Variants in ADAM9 observed in about 807,000 individuals in gnomAD.
ADAM9 encodes the protein ADAM metallopeptidase domain 9, also known as disintegrin and metalloproteinase domain-containing protein 9.
In ADAM9, 54 loss-of-function variants were observed where a neutral mutation model predicts 108.1. The observed-to-expected ratio is 0.50, with a 90% CI of 0.40 to 0.63. The LOEUF is 0.63. Ranked by LOEUF, ADAM9 falls within the 20% of genes least tolerant of loss-of-function variation. The pLI is 0.00. For missense variants in ADAM9, 830 were observed against 997.7 expected (o/e 0.83, Z 2.26); for synonymous variants, 316 against 336.0 (o/e 0.94, Z 0.65).
chr8:39,036,367 A>T (rs535023014), intron 11 of ADAM9, among the ~76,000 whole-genome samples: 1 of 110,122 alleles, frequency 9.1e-6, no homozygotes, highest in Admixed American at 1.0e-4. Context: ...ATCTTCTCTT[A>T]AGACTTCCTA....
chr8:39,066,407 G>A (rs1838475109), intron 14 of ADAM9, among the ~76,000 whole-genome samples: 1 of 152,180 alleles, frequency 6.6e-6, no homozygotes, highest in Admixed American at 6.5e-5. Flanking sequence ...ATCCTCTCCA[G>A]CACCTGTTGT....
chr8:39,047,226 C>T (rs1429258817), intron 12 of ADAM9, among the ~76,000 whole-genome samples: 2 of 152,174 alleles, frequency 1.3e-5, no homozygotes, highest in Admixed American at 1.3e-4. Flanking sequence ...GATTTTGCAT[C>T]TGTATTTGTT....
chr8:39,068,311 G>GT (rs1029332988), intron 14 of ADAM9, among the ~76,000 whole-genome samples: 13 of 151,872 alleles, frequency 8.6e-5, no homozygotes, highest in African/African-American at 2.7e-4. Context: ...ACATCTTTAG[G>GT]TTTTTTTCCT....
intron 12 of ADAM9, among the ~76,000 whole-genome samples, chr8:39,043,546 A>G (rs1252956163): frequency 1.3e-5 from 2 of 152,102 alleles, no homozygotes; most frequent in East Asian, 1.9e-4. Flanking sequence ...GCATCTTTTC[A>G]TATACCTGTT....
chr8:39,101,953 T>C, intron 21 of ADAM9, 23 bp downstream of exon 21: 1 of 1,595,964 alleles, frequency 6.3e-7, no homozygotes, highest in Non-Finnish European at 8.6e-7. Flanking sequence ...TTTGCTTAGA[T>C]TTTTTGGCCA....
At chr8:39,023,703 G>GTATTTCCTA (rs965809395) in intron 9 of ADAM9, among the ~76,000 whole-genome samples, 3 of 144,398 alleles carry the variant, frequency 2.1e-5, no homozygotes, top group Non-Finnish European at 4.5e-5. Flanking sequence ...AAGTAACTCA[G>GTATTTCCTA]TATTTCCTAG....
chr8:39,027,247 A>C (rs1836951886), intron 11 of ADAM9, among the ~76,000 whole-genome samples: 1 of 152,256 alleles, frequency 6.6e-6, no homozygotes, highest in African/African-American at 2.4e-5. Context: ...GTTTCTTCAC[A>C]AACCTCTTTT....
chr8:39,026,245 C>T (rs1203201757), intron 10 of ADAM9, among the ~76,000 whole-genome samples: 1 of 152,142 alleles, frequency 6.6e-6, no homozygotes, highest in Admixed American at 6.5e-5. Flanking sequence ...CTAATGCTCT[C>T]CCTCCCCTTG....
intron 11 of ADAM9, among the ~76,000 whole-genome samples, chr8:39,034,394 C>A (rs1165327223): frequency 6.6e-6 from 1 of 152,150 alleles, no homozygotes; most frequent in African/African-American, 2.4e-5. Context: ...ACTTTCTTGA[C>A]TCATATAGCT....
intron 16 of ADAM9, among the ~76,000 whole-genome samples, chr8:39,078,517 C>T (rs1296484508): frequency 2.0e-5 from 3 of 152,184 alleles, no homozygotes; most frequent in Non-Finnish European, 4.4e-5. Flanking sequence ...CACGGTGGCT[C>T]ATGCCTGTAA....
chr8:39,101,398 T>C (rs1173606884), intron 20 of ADAM9, among the ~76,000 whole-genome samples: 2 of 152,170 alleles, frequency 1.3e-5, no homozygotes, highest in Admixed American at 6.5e-5. Context: ...AGTACTTATA[T>C]GTGAATAAAT....
intron 20 of ADAM9, among the ~76,000 whole-genome samples, chr8:39,095,383 C>G (rs1319713770): frequency 6.6e-6 from 1 of 152,148 alleles, no homozygotes; most frequent in African/African-American, 2.4e-5. Flanking sequence ...TTCTTTTTAT[C>G]TGTCATTGAC....
At chr8:39,011,542 GCCAATA>G in intron 2 of ADAM9, 110 bp from the exon 3 acceptor site, 1 of 905,856 alleles carries the variant, frequency 1.1e-6, no homozygotes, top group South Asian at 1.4e-5. Flanking sequence ...AAATAGTTCA[GCCAATA>G]CCAAATTATT....
intron 20 of ADAM9, among the ~76,000 whole-genome samples, chr8:39,100,492 CAAA>C (rs1186138731): frequency 3.9e-5 from 4 of 103,132 alleles, no homozygotes; most frequent in African/African-American, 7.2e-5. Context: ...GACTCCGTCT[CAAA>C]AAAAAAAAAA....
chr8:39,058,095 C>A (rs1338370197), intron 14 of ADAM9, among the ~76,000 whole-genome samples: 3 of 152,070 alleles, frequency 2.0e-5, no homozygotes, highest in Non-Finnish European at 4.4e-5. Flanking sequence ...GATGTTTATT[C>A]TTCTTCTTGA....
intron 11 of ADAM9, among the ~76,000 whole-genome samples, chr8:39,041,084 G>A (rs1344831969): frequency 6.6e-6 from 1 of 151,974 alleles, no homozygotes; most frequent in African/African-American, 2.4e-5. Context: ...GTCTACAAAA[G>A]CAAAAATAAA....
chr8:39,052,617 G>A (rs1333451900), intron 12 of ADAM9, among the ~76,000 whole-genome samples: 1 of 151,940 alleles, frequency 6.6e-6, no homozygotes. Flanking sequence ...TTTTAATTGA[G>A]GAGGGGGCAT....
rs939851266 is a variant in ADAM9, at chr8:38,997,236, C to A, written c.97+76C>A. The A allele has an allele frequency of 5.7e-5, 85 of 1,490,922 alleles. No homozygotes were observed. In the Middle Eastern group the frequency reaches 8.7e-4, roughly 15 times the overall value. The allele number at this position is 1,490,922 out of a possible 1,614,324, so 92.4% of individuals were successfully genotyped here. A position where few individuals can be genotyped will look rare whatever the true frequency, so the allele number is the denominator to read the frequency against. The stretch of plus-strand genomic sequence containing the variant: ...GGCGCTCGGAGTGAACCTGTGGTGC[C>A]TGGGAGTGGAGGGGCCCGGCCTGGG... On this transcript the variant is annotated intron_variant, in intron 1 of 21. Transcript: ENST00000487273.
chr8:39,066,452 C>T (rs1019886146), intron 14 of ADAM9, among the ~76,000 whole-genome samples: 4 of 152,282 alleles, frequency 2.6e-5, no homozygotes, highest in Non-Finnish European at 4.4e-5. Context: ...TTCTAAATGG[C>T]GTGAGATGGT....
Sources: gnomAD v4.1 joint callset for allele counts (sites outside exome capture counted in the v4.1 genomes callset) on GRCh38, gnomAD v4.1.1 for gene constraint, MANE v1.5 for transcripts, NCBI Gene and HGNC (gene_info 2026-07-23, HGNC 2026-07-21) for gene names.